Variants in DUSP13A observed in about 807,000 individuals in gnomAD.
DUSP13A encodes dual specificity protein phosphatase 13A.
the DUSP13A span, chr10:75,108,315 G>C: frequency 6.8e-7 from 1 of 1,479,398 alleles, no homozygotes; most frequent in Non-Finnish European, 8.9e-7. Context: ...AGGGTCCAAA[G>C]AGAGTCCAAC....
the DUSP13A span, chr10:75,108,276 GC>G: frequency 6.6e-7 from 1 of 1,523,116 alleles, no homozygotes; most frequent in Non-Finnish European, 8.7e-7. Context: ...GCTGTGCCTG[GC>G]CCCCTGCTGC....
chr10:75,105,950 C>G, the DUSP13A span: 2 of 1,325,170 alleles, frequency 1.5e-6, no homozygotes, highest in African/African-American at 2.9e-5. Context: ...AGTTCCTTTC[C>G]TGACCCTGCC....
At chr10:75,108,410 T>A in the DUSP13A span, 1 of 933,162 alleles carries the variant, frequency 1.1e-6, no homozygotes, top group Non-Finnish European at 1.5e-6. Flanking sequence ...GCGGTGTGTG[T>A]GTCGGGGGAT....
chr10:75,107,950 G>A, the DUSP13A span: 3 of 1,567,692 alleles, frequency 1.9e-6, no homozygotes, highest in Middle Eastern at 1.7e-4. Flanking sequence ...TCCTCCCCAT[G>A]AATGAGCAAG....
chr10:75,108,130 A>G, the DUSP13A span: 1 of 1,613,668 alleles, frequency 6.2e-7, no homozygotes, highest in South Asian at 1.1e-5. Context: ...CCGCCCTGAC[A>G]GTAGAGGCCC....
chr10:75,108,987 C>G, the DUSP13A span: 1 of 1,587,418 alleles, frequency 6.3e-7, no homozygotes, highest in South Asian at 1.1e-5. Flanking sequence ...ACCCCCATGC[C>G]CCTTGGCCAG....
chr10:75,106,193 T>C, the DUSP13A span, among the ~76,000 whole-genome samples: 1 of 151,310 alleles, frequency 6.6e-6, no homozygotes, highest in Non-Finnish European at 1.5e-5. Context: ...TCTCCCACCT[T>C]GGCCTCCCAA....
At chr10:75,105,855 C>T in the DUSP13A span, 1 of 1,549,376 alleles carries the variant, frequency 6.5e-7, no homozygotes, top group Non-Finnish European at 8.7e-7. Context: ...CCACACAGTG[C>T]ACCAGGACCT....
chr10:75,108,709 C>T, the DUSP13A span, among the ~76,000 whole-genome samples: 39,519 of 152,098 alleles, frequency 0.26, 5,680 homozygotes, highest in East Asian at 0.61. Flanking sequence ...TTATCTCATG[C>T]CCCAAATACT....
At chr10:75,108,299 G>GGCT in the DUSP13A span, 97 of 1,502,424 alleles carry the variant, frequency 6.5e-5, 1 homozygote, top group South Asian at 1.2e-3. Flanking sequence ...GAGGGACCGA[G>GGCT]CCATTAGGGT....
chr10:75,108,280 C>T, the DUSP13A span: 3 of 1,521,260 alleles, frequency 2.0e-6, no homozygotes, highest in Admixed American at 6.3e-5. Flanking sequence ...TGCCTGGCCC[C>T]CTGCTGCAGA....
At chr10:75,108,038 G>A in the DUSP13A span, 2 of 1,613,858 alleles carry the variant, frequency 1.2e-6, no homozygotes, top group Non-Finnish European at 1.7e-6. Context: ...CCGCAGAGGA[G>A]AAGTAGGCAC....
the DUSP13A span, chr10:75,105,956 C>A: frequency 7.9e-7 from 1 of 1,272,182 alleles, no homozygotes; most frequent in South Asian, 1.4e-5. Context: ...TTTCCTGACC[C>A]TGCCTTGGGT....
the DUSP13A span, among the ~76,000 whole-genome samples, chr10:75,107,811 A>G: frequency 6.6e-6 from 1 of 152,146 alleles, no homozygotes; most frequent in Non-Finnish European, 1.5e-5. Flanking sequence ...TCCTGACCTC[A>G]GGCGATCCAC....
the DUSP13A span, chr10:75,109,055 A>G: frequency 6.2e-7 from 1 of 1,611,916 alleles, no homozygotes; most frequent in African/African-American, 1.3e-5. Flanking sequence ...ACACGGCTGC[A>G]AGAAGACTTC....
At chr10:75,106,765 G>A in the DUSP13A span, among the ~76,000 whole-genome samples, 6 of 152,250 alleles carry the variant, frequency 3.9e-5, no homozygotes, top group East Asian at 1.9e-4. Context: ...TGCCAGGCAC[G>A]TAGTGGATAC....
At chr10:75,108,403 G>T in the DUSP13A span, 1 of 1,023,938 alleles carries the variant, frequency 9.8e-7, no homozygotes, top group Non-Finnish European at 1.4e-6. Context: ...TGAGCCGGCG[G>T]TGTGTGTGTC....
chr10:75,105,778 C>T, the DUSP13A span: 106 of 1,551,498 alleles, frequency 6.8e-5, 1 homozygote, highest in Middle Eastern at 8.0e-4. Flanking sequence ...CACCGCCTGG[C>T]GCAGGGACAG....
At chr10:75,108,993 G>T in the DUSP13A span, 1 of 1,588,480 alleles carries the variant, frequency 6.3e-7, no homozygotes, top group East Asian at 2.3e-5. Context: ...ATGCCCCTTG[G>T]CCAGCTACCA....
Sources: gnomAD v4.1 joint callset for allele counts (sites outside exome capture counted in the v4.1 genomes callset) on GRCh38, gnomAD v4.1.1 for gene constraint, MANE v1.5 for transcripts, NCBI Gene and HGNC (gene_info 2026-07-23, HGNC 2026-07-21) for gene names.